FCGR2A: variants seen among roughly 807,000 people sequenced by gnomAD.
FCGR2A encodes Fc gamma receptor IIa.
FCGR2A carries 18 observed loss-of-function variants against 29.3 expected under a neutral mutation model. That is an observed-to-expected ratio of 0.62 (90% confidence interval 0.43 to 0.91). The LOEUF (loss-of-function observed/expected upper bound fraction) is 0.91, where lower values mean the gene tolerates loss of function less well. FCGR2A is among the 40% of genes least tolerant of loss of function. The pLI is 0.00. For synonymous variants in FCGR2A, 126 were observed against 144.8 expected, an observed-to-expected ratio of 0.87 and a Z score of 0.93; for missense variants, 287 against 393.0, an observed-to-expected ratio of 0.73 and a Z score of 2.28.
At chr1:161,506,225 A>G in intron 2 of FCGR2A, 109 bp from the exon 3 acceptor site, 1 of 1,441,224 alleles carries the variant, frequency 6.9e-7, no homozygotes, top group Non-Finnish European at 9.6e-7. Flanking sequence ...ATCTTGAACT[A>G]CATCTACAAT....
At chr1:161,511,111 C>A (rs921206611) in intron 5 of FCGR2A, among the ~76,000 whole-genome samples, 155 bp downstream of exon 5, 2 of 152,242 alleles carry the variant, frequency 1.3e-5, no homozygotes, top group Non-Finnish European at 2.9e-5. Flanking sequence ...TCATCCTCAA[C>A]AAGAGCACTA....
chr1:161,522,017 T>C (rs1676471284), downstream of FCGR2A, among the ~76,000 whole-genome samples: 2 of 151,960 alleles, frequency 1.3e-5, no homozygotes, highest in South Asian at 4.1e-4. Context: ...CTACTAAACA[T>C]AAGTGGATAT....
intron 6 of FCGR2A, 66 bp from the exon 7 acceptor site, chr1:161,517,909 A>G: frequency 1.9e-6 from 2 of 1,072,016 alleles, no homozygotes; most frequent in Non-Finnish European, 2.8e-6. Flanking sequence ...TATTCTCCTT[A>G]TAGTTATTGT....
rs1454010779 is a variant in FCGR2A, at chr1:161,517,975, C to A, written c.781C>A (p.Pro261Thr). Reference protein sequence around the residue: ...TDPVKAAQFEPPGRQMIAIRK... With the variant: ...TDPVKAAQFETPGRQMIAIRK... ...ATGGGTTTTAAATGCTTTCCTGCAGCCACCTGGACGTCAAATGATTGCCAT... is the reference window on the plus strand; with the variant it reads ...ATGGGTTTTAAATGCTTTCCTGCAGACACCTGGACGTCAAATGATTGCCAT... Residue 261 changes from proline to threonine, a missense_variant and splice_region_variant, in exon 7 of 7, where the codon CCA becomes ACA. Coordinates refer to ENST00000271450, the MANE Select transcript of FCGR2A (RefSeq NM_001136219.3). The A allele has an allele frequency of 1.8e-5, 29 of 1,613,386 alleles. No individual in the cohort carries two copies. Among genetic ancestry groups the A allele is most frequent in the Non-Finnish European group, 2.4e-5 (28 of 1,179,498 alleles).
chr1:161,509,457 A>G (rs1675621176), intron 3 of FCGR2A, among the ~76,000 whole-genome samples: 1 of 152,092 alleles, frequency 6.6e-6, no homozygotes. Context: ...CTTGTACAAA[A>G]TTTACCATTA....
rs199502630 is a variant in FCGR2A at position 161,510,888 on chromosome 1, C to G, written c.674C>G (p.Ala225Gly). ...GGGATCATTGTGGCTGTGGTCATTG[C>G]GACTGCTGTAGCAGCCATTGTTGCT... ...PMGIIVAVVIATAVAAIVAAV... is the reference protein window; with the variant it reads ...PMGIIVAVVIGTAVAAIVAAV... Residue 225 changes from alanine to glycine, a missense_variant, in exon 5 of 7, where the codon GCG (alanine) becomes GGG (glycine). By Grantham distance (60) the Ala-to-Gly change is moderately conservative. Coordinates refer to ENST00000271450, the MANE Select transcript of FCGR2A (RefSeq NM_001136219.3). 11 of 1,614,148 alleles carry G rather than the reference C, an allele frequency of 6.8e-6. No individual in the cohort carries two copies. Among genetic ancestry groups the G allele is most frequent in the East Asian group, 4.5e-5 (2 of 44,886 alleles).
chr1:161,505,958 A>G (rs753844283), intron 1 of FCGR2A, 29 bp from the exon 2 acceptor site: 2 of 1,613,592 alleles, frequency 1.2e-6, no homozygotes, highest in Non-Finnish European at 1.7e-6. Flanking sequence ...CTCCTGCTCG[A>G]CGTTGATCCA....
intron 6 of FCGR2A, among the ~76,000 whole-genome samples, chr1:161,515,204 T>C (rs1571980702): frequency 1.3e-5 from 2 of 152,238 alleles, no homozygotes; most frequent in East Asian, 3.9e-4. Context: ...TTTAAAAAAA[T>C]AGTCTCTCTA....
At chr1:161,506,696 G>A (rs532165094) in intron 3 of FCGR2A, 105 bp downstream of exon 3, 1 of 1,552,306 alleles carries the variant, frequency 6.4e-7, no homozygotes. Flanking sequence ...CTGCTTACTG[G>A]GAAGCACTGT....
chr1:161,509,771 C>G, intron 3 of FCGR2A, 49 bp from the exon 4 acceptor site: 1 of 1,609,536 alleles, frequency 6.2e-7, no homozygotes, highest in Non-Finnish European at 8.5e-7. Flanking sequence ...CTGAAAAACC[C>G]TTGGAATCTA....
In FCGR2A at chr1:161,509,904, C is replaced by T; in HGVS notation, c.449C>T (p.Pro150Leu). ...AGGTGCCACAGCTGGAAGGACAAGC[C>T]TCTGGTCAAGGTCACATTCTTCCAG... ...MLRCHSWKDK[P>L]LVKVTFFQNG... is the part of the protein sequence containing the mutation. The change falls in exon 4 of 7, where the codon CCT becomes CTT. Residue 150 changes from proline (P) to leucine (L), a missense_variant. Transcript: ENST00000271450. 1.9e-6 allele frequency: 3 copies of T among 1,614,214 alleles called. No individual in the cohort carries two copies. The highest frequency in any genetic ancestry group is 2.5e-6 in the Non-Finnish European group (3 of 1,180,032).
chr1:161,505,723 C>T (rs908624156), intron 1 of FCGR2A, 171 bp downstream of exon 1: 1 of 718,306 alleles, frequency 1.4e-6, no homozygotes, highest in East Asian at 2.5e-5. Flanking sequence ...GGTCAGAACT[C>T]AGAGGTAGTT....
intron 5 of FCGR2A, among the ~76,000 whole-genome samples, chr1:161,512,720 G>A (rs1217108592): frequency 6.6e-6 from 1 of 152,106 alleles, no homozygotes; most frequent in East Asian, 1.9e-4. Context: ...CAGATGGCTG[G>A]AGTATGATTT....
intron 6 of FCGR2A, among the ~76,000 whole-genome samples, chr1:161,516,488 A>C (rs1676152481): frequency 6.6e-6 from 1 of 152,020 alleles, no homozygotes; most frequent in Admixed American, 6.6e-5. Context: ...ATAGTTTTTA[A>C]AAACTAAAGT....
intron 5 of FCGR2A, chr1:161,513,081 T>A (rs1287700045): frequency 1.3e-5 from 2 of 152,630 alleles, no homozygotes; most frequent in African/African-American, 4.9e-5. Flanking sequence ...GCTGCAGAAT[T>A]TACAGCATGG....
rs1335018939 is a variant in FCGR2A, at chr1:161,518,376, G to A, written c.*228G>A. ...GCAAAACTTAACTTGGATCATTTCT[G>A]GTAAATGCTTATGTTAGAAATAAGA... On this transcript the variant is annotated 3_prime_UTR_variant, in exon 7 of 7. Coordinates refer to ENST00000271450, the MANE Select transcript of FCGR2A (RefSeq NM_001136219.3). 1.2e-6 allele frequency: 1 copy of A among 843,528 alleles called. No individual in the cohort carries two copies. The highest frequency in any genetic ancestry group is 2.9e-5 in the East Asian group (1 of 34,598). 52.3% of individuals were successfully genotyped at this position (843,528 alleles called of 1,614,324 possible).
intron 4 of FCGR2A, 130 bp downstream of exon 4, chr1:161,510,204 G>A: frequency 6.7e-6 from 10 of 1,501,554 alleles, no homozygotes; most frequent in Non-Finnish European, 9.0e-6. Flanking sequence ...AAAGAGGAGT[G>A]GGGTGGAAGC....
At chr1:161,507,201 T>C (rs1018386939) in intron 3 of FCGR2A, among the ~76,000 whole-genome samples, 1 of 152,198 alleles carries the variant, frequency 6.6e-6, no homozygotes, top group Non-Finnish European at 1.5e-5. Context: ...ATAGAGTCTG[T>C]AGAGAAAATG....
chr1:161,515,678 T>C (rs888430369), intron 6 of FCGR2A, among the ~76,000 whole-genome samples: 1 of 151,876 alleles, frequency 6.6e-6, no homozygotes, highest in African/African-American at 2.4e-5. Context: ...AAATGAAAAA[T>C]CTTAATAGTC....
Sources: gnomAD v4.1 joint callset for allele counts (sites outside exome capture counted in the v4.1 genomes callset) on GRCh38, gnomAD v4.1.1 for gene constraint, MANE v1.5 for transcripts, NCBI Gene and HGNC (gene_info 2026-07-23, HGNC 2026-07-21) for gene names.